TRARG1: variants seen among roughly 807,000 people sequenced by gnomAD.
TRARG1 encodes the protein trafficking regulator of GLUT4 1.
In TRARG1, 16 loss-of-function variants were observed where a neutral mutation model predicts 13.3. The observed-to-expected ratio is 1.20, with a 90% confidence interval of 0.81 to 1.83. The LOEUF is 1.83. Ranked by LOEUF, TRARG1 falls within the 40% of genes most tolerant of loss-of-function variation. The probability of loss-of-function intolerance (pLI) is 0.00; values close to 1 mark genes in which losing one functional copy is unlikely to be tolerated. For synonymous variants in TRARG1, 113 were observed against 106.2 expected (o/e 1.06, Z -0.39); for missense variants, 250 against 237.4 (o/e 1.05, Z -0.35).
At position 1,283,865 on chromosome 17, in the gene TRARG1, C is replaced by A. The variant is rs541881784; in HGVS notation, c.387+3477C>A. Reference sequence around the variant, plus strand: ...GTGGTGGTCATGCCTGTAATCCCAGCACTTTGGGAGGCCGAGGCGGGCAGA... The same window carrying A: ...GTGGTGGTCATGCCTGTAATCCCAGAACTTTGGGAGGCCGAGGCGGGCAGA... On this transcript the variant is annotated intron_variant, in intron 1 of 2. Coordinates refer to ENST00000333813, the MANE Select transcript of TRARG1 (RefSeq NM_172367.3). 1.6e-4 allele frequency among the ~76,000 whole-genome samples: 24 copies of A among 151,906 alleles called. 2 individuals are homozygous for A. The East Asian group carries it at 4.6e-3, about 29-fold the overall frequency.
At position 1,288,147 on chromosome 17, in the gene TRARG1, G is replaced by A. The variant is rs373520801; in HGVS notation, c.388-7344G>A. On this transcript the variant is annotated intron_variant, in intron 1 of 2. Transcript: ENST00000333813. ...TGGAAGAAACCCCTTTTATCCACCC[G>A]GTTGTATTTGCTCTGCCATCACCTA... is the stretch of plus-strand genomic sequence containing the variant. Among the ~76,000 whole-genome samples the A allele has an allele frequency of 6.1e-4, 92 of 151,700 alleles. 1 individual carries two copies. The highest frequency in any genetic ancestry group is 2.1e-3 in the African/African-American group (88 of 41,270).
At chr17:1,286,448 AGTT>A (rs1328481978) in intron 1 of TRARG1, among the ~76,000 whole-genome samples, 1 of 55,714 alleles carries the variant, frequency 1.8e-5, no homozygotes, top group African/African-American at 8.1e-5. Context: ...TCGGCCTGTG[AGTT>A]GTTATCGGCC....
chr17:1,280,435 C>G (rs756657817), intron 1 of TRARG1, 47 bp downstream of exon 1: 3 of 1,508,690 alleles, frequency 2.0e-6, no homozygotes, highest in South Asian at 1.3e-5. Flanking sequence ...GCCCAGGGGT[C>G]GGCAGGTGTT....
At position 1,295,568 on chromosome 17, in the gene TRARG1, C is replaced by A. The variant is rs377671247; in HGVS notation, c.465C>A (p.Thr155=). ...LGRLARLLSI[T]LIIMGIVIIM... Reference sequence around the variant, plus strand: ...GCCTGGCTCGGCTGCTCAGCATTACCCTCATCATCATGGGCATCGTCATTA... The same window carrying A: ...GCCTGGCTCGGCTGCTCAGCATTACACTCATCATCATGGGCATCGTCATTA... Residue 155 remains threonine, a synonymous_variant, in exon 2 of 3, where the codon ACC becomes ACA. Coordinates refer to ENST00000333813, the MANE Select transcript of TRARG1 (RefSeq NM_172367.3). 6 of 1,613,458 alleles carry A rather than the reference C, an allele frequency of 3.7e-6. No homozygotes were observed. Among genetic ancestry groups the A allele is most frequent in the Non-Finnish European group, 5.1e-6 (6 of 1,179,836 alleles).
rs536991504 is a variant in TRARG1, at chr17:1,288,615, C to T, written c.388-6876C>T. On this transcript the variant is annotated intron_variant, in intron 1 of 2. Transcript: ENST00000333813. ...TCCCCCTCCAGCTTCTCATCCCCCA[C>T]GGGTTCCCCATCCCCCATGGGTTCC... Among the ~76,000 whole-genome samples, 11 of 59,858 alleles carry T rather than the reference C, an allele frequency of 1.8e-4. No homozygotes were observed. In the South Asian group the frequency reaches 2.0e-3, roughly 11 times the overall value. 39.3% of individuals were successfully genotyped at this position (59,858 alleles called of 152,430 possible). A position where few individuals can be genotyped will look rare whatever the true frequency, so the allele number is the denominator to read the frequency against.
intron 1 of TRARG1, among the ~76,000 whole-genome samples, chr17:1,291,721 G>A (rs1056536040): frequency 3.9e-5 from 6 of 152,164 alleles, no homozygotes; most frequent in Non-Finnish European, 7.3e-5. Context: ...TATTCTCCTG[G>A]CAGAGCTGGA....
chr17:1,294,725 T>C (rs1598194955), intron 1 of TRARG1, among the ~76,000 whole-genome samples: 2 of 135,038 alleles, frequency 1.5e-5, no homozygotes, highest in Non-Finnish European at 3.1e-5. Context: ...TCTTGCTGTC[T>C]CCCAGGCTAG....
chr17:1,282,061 T>G (rs2071979187), intron 1 of TRARG1, among the ~76,000 whole-genome samples: 1 of 106,068 alleles, frequency 9.4e-6, no homozygotes, highest in African/African-American at 3.7e-5. Context: ...CATATGTACA[T>G]GTATACACAT....
intron 1 of TRARG1, among the ~76,000 whole-genome samples, chr17:1,293,246 T>C (rs1165090274): frequency 7.5e-6 from 1 of 133,556 alleles, no homozygotes; most frequent in Non-Finnish European, 1.5e-5. Context: ...ATTGCGCCAC[T>C]GCACTCCAGC....
Position 1,298,364 on chromosome 17 carries a change from C to T in TRARG1, c.*100C>T, listed in dbSNP as rs2072127840. On this transcript the variant is annotated 3_prime_UTR_variant, in exon 3 of 3. Coordinates refer to ENST00000333813, the MANE Select transcript of TRARG1 (RefSeq NM_172367.3). ...GCCAGGGTGCTGACTGTCAAGCATCCCCTGTCCCCAAGTTCCAAAAGCACA... is the reference window on the plus strand; with the variant it reads ...GCCAGGGTGCTGACTGTCAAGCATCTCCTGTCCCCAAGTTCCAAAAGCACA... 2 of 1,347,180 alleles carry T rather than the reference C, an allele frequency of 1.5e-6. No homozygotes were observed. Among genetic ancestry groups the T allele is most frequent in the South Asian group, 1.3e-5 (1 of 77,922 alleles). 83.5% of individuals were successfully genotyped at this position (1,347,180 alleles called of 1,614,324 possible). A position where few individuals can be genotyped will look rare whatever the true frequency, so the allele number is the denominator to read the frequency against.
intron 1 of TRARG1, among the ~76,000 whole-genome samples, chr17:1,291,684 A>ATG (rs2072070360): frequency 6.6e-6 from 1 of 152,158 alleles, no homozygotes; most frequent in Non-Finnish European, 1.5e-5. Context: ...AGCACGAGAT[A>ATG]CACGTTCAAA....
At chr17:1,281,760 T>C (rs185828219) in intron 1 of TRARG1, among the ~76,000 whole-genome samples, 181 of 152,056 alleles carry the variant, frequency 1.2e-3, no homozygotes, top group Admixed American at 1.3e-3. Context: ...GGAAACTGGA[T>C]TTGGGGAGGG....
Position 1,298,624 on chromosome 17 carries a change from G to A in TRARG1, c.*360G>A, listed in dbSNP as rs61168964. 0.022 allele frequency: 6,240 copies of A among 289,022 alleles called. 109 individuals are homozygous for A. Among genetic ancestry groups the A allele is most frequent in the Middle Eastern group, 0.048 (48 of 1,002 alleles). The allele number at this position is 289,022 out of a possible 1,614,324, so 17.9% of individuals were successfully genotyped here. On this transcript the variant is annotated 3_prime_UTR_variant, in exon 3 of 3. Transcript: ENST00000333813. The stretch of plus-strand genomic sequence containing the variant: ...GAGGAAAAAACCCAGCCCCACAAAC[G>A]AGACACACGCTGGCGGGGAGAGACG...
Position 1,298,301 on chromosome 17 carries a change from T to C in TRARG1, c.*37T>C. The C allele has an allele frequency of 6.2e-7, 1 of 1,610,802 alleles. No individual in the cohort carries two copies. The highest frequency in any genetic ancestry group is 8.5e-7 in the Non-Finnish European group (1 of 1,178,580). On this transcript the variant is annotated 3_prime_UTR_variant, in exon 3 of 3. Coordinates refer to ENST00000333813, the MANE Select transcript of TRARG1 (RefSeq NM_172367.3). Reference sequence around the variant, plus strand: ...GAGCTGGGCTAGCAGAGGCCGGCCCTGGCCATCGGGAGAGCTCTGACCTGC... The same window carrying C: ...GAGCTGGGCTAGCAGAGGCCGGCCCCGGCCATCGGGAGAGCTCTGACCTGC...
At chr17:1,284,174 C>G (rs1345315819) in intron 1 of TRARG1, among the ~76,000 whole-genome samples, 1 of 152,102 alleles carries the variant, frequency 6.6e-6, no homozygotes, top group African/African-American at 2.4e-5. Flanking sequence ...TCCCCTTCAG[C>G]TGTCACTCTC....
At chr17:1,296,246 G>C (rs545429035) in intron 2 of TRARG1, among the ~76,000 whole-genome samples, 5 of 152,294 alleles carry the variant, frequency 3.3e-5, no homozygotes, top group African/African-American at 1.2e-4. Context: ...GCCCAGGCTG[G>C]AGTGCAGTGG....
At chr17:1,286,147 G>C (rs1217147262) in intron 1 of TRARG1, among the ~76,000 whole-genome samples, 1 of 152,260 alleles carries the variant, frequency 6.6e-6, no homozygotes, top group Non-Finnish European at 1.5e-5. Context: ...CGTGAGGGCA[G>C]AGGCCGATGG....
chr17:1,280,493 G>A, intron 1 of TRARG1, 105 bp downstream of exon 1: 1 of 1,251,030 alleles, frequency 8.0e-7, no homozygotes, highest in Non-Finnish European at 1.1e-6. Flanking sequence ...AGAAGAGAGA[G>A]CTGGGAGTGG....
chr17:1,280,047 G>A lies in TRARG1; in HGVS notation c.46G>A (p.Gly16Ser). The change falls in exon 1 of 3, where the codon GGC (glycine) becomes AGC (serine). Residue 16 changes from glycine (G) to serine (S), a missense_variant. Transcript: ENST00000333813. ...QSEFPSAQEP[G>S]SAAFLDLPEM... ...CGAGTTTCCTTCAGCACAGGAGCCA[G>A]GCTCCGCCGCATTCCTGGACCTGCC... 1 of 1,613,392 alleles carries A rather than the reference G, an allele frequency of 6.2e-7. No individual in the cohort carries two copies. The highest frequency in any genetic ancestry group is 1.7e-5 in the Admixed American group (1 of 60,024).
Sources: allele counts gnomAD v4.1 joint callset (sites outside exome capture counted in the v4.1 genomes callset), GRCh38; gene constraint gnomAD v4.1.1; transcripts MANE v1.5; gene names NCBI Gene and HGNC (gene_info 2026-07-23, HGNC 2026-07-21).